PHTF2: variants seen among roughly 807,000 people sequenced by gnomAD.
PHTF2 encodes protein PHTF2.
In PHTF2, 60 loss-of-function variants were observed where a neutral mutation model predicts 101.2. The observed-to-expected ratio is 0.59, with a 90% CI of 0.48 to 0.73. The LOEUF is 0.73. Ranked by LOEUF, PHTF2 falls within the 30% of genes least tolerant of loss-of-function variation. The pLI is 0.00. For missense variants in PHTF2, 747 were observed against 908.7 expected, an observed-to-expected ratio of 0.82 and a Z score of 2.29; for synonymous variants, 311 against 307.3, an observed-to-expected ratio of 1.01 and a Z score of -0.13.
chr7:77,843,950 C>T (rs952338637), intron 2 of PHTF2, among the ~76,000 whole-genome samples: 1 of 152,066 alleles, frequency 6.6e-6, no homozygotes, highest in Admixed American at 6.5e-5. Flanking sequence ...TAAATAAAAA[C>T]CAAAAACATT....
At chr7:77,846,900 C>T (rs1263915559) in intron 2 of PHTF2, among the ~76,000 whole-genome samples, 1 of 152,066 alleles carries the variant, frequency 6.6e-6, no homozygotes, top group Non-Finnish European at 1.5e-5. Flanking sequence ...GCCTCAGCCT[C>T]CCAAAGTGTC....
chr7:77,911,804 T>C (rs1373507990), intron 9 of PHTF2, among the ~76,000 whole-genome samples: 3 of 152,338 alleles, frequency 2.0e-5, no homozygotes, highest in African/African-American at 4.8e-5. Context: ...TTTGTTTTCG[T>C]TTTTAAACTT....
At chr7:77,843,099 C>T (rs528292290) in intron 2 of PHTF2, among the ~76,000 whole-genome samples, 24 of 152,240 alleles carry the variant, frequency 1.6e-4, no homozygotes, top group African/African-American at 5.1e-4. Context: ...GTAGATGTTA[C>T]TTGTTGACTT....
intron 1 of PHTF2, among the ~76,000 whole-genome samples, chr7:77,805,963 T>TCAGGAGTTCGAGAC (rs767839899): frequency 4.6e-5 from 7 of 152,184 alleles, no homozygotes; most frequent in Non-Finnish European, 8.8e-5. Context: ...TCATTTGAGA[T>TCAGGAGTTCGAGAC]CAGGAGTTCG....
intron 16 of PHTF2, 30 bp downstream of exon 15, chr7:77,942,816 AC>A: frequency 1.0e-6 from 1 of 988,870 alleles, no homozygotes; most frequent in Non-Finnish European, 1.5e-6. Flanking sequence ...GTAGAAATTA[AC>A]CAGATATATA....
At position 77,904,362 on chromosome 7, in the gene PHTF2, G is replaced by A. The variant is rs182376564; in HGVS notation, c.445+2442G>A. ...ATTAGACATCAGACATCACTTTCTT[G>A]AAGAATCCTTTCGTAACTCCCCAAT... On this transcript the variant is annotated intron_variant, in intron 7 of 19. Transcript: ENST00000416283. Among the ~76,000 whole-genome samples, 562 of 152,218 alleles carry A rather than the reference G, an allele frequency of 3.7e-3. 1 individual carries two copies. The highest frequency in any genetic ancestry group is 4.7e-3 in the Admixed American group (72 of 15,284).
chr7:77,803,441 G>A (rs1326996419), intron 1 of PHTF2, among the ~76,000 whole-genome samples: 1 of 152,130 alleles, frequency 6.6e-6, no homozygotes, highest in African/African-American at 2.4e-5. Flanking sequence ...AAATTAGGTG[G>A]CACAAGTTTT....
intron 15 of PHTF2, 48 bp from the exon 15 acceptor site, chr7:77,942,652 A>G: frequency 9.7e-7 from 1 of 1,030,652 alleles, no homozygotes. Flanking sequence ...TGATTAGTAA[A>G]TATATTTTAA....
At chr7:77,929,389 A>G (rs531729396) in intron 12 of PHTF2, 62 bp downstream of exon 11, 181 of 820,112 alleles carry the variant, frequency 2.2e-4, no homozygotes, top group East Asian at 6.4e-4. Context: ...TTTATGTTCA[A>G]ATGTTACAGA....
intron 9 of PHTF2, among the ~76,000 whole-genome samples, chr7:77,915,121 G>A (rs924417402): frequency 7.9e-5 from 12 of 151,746 alleles, no homozygotes; most frequent in African/African-American, 2.7e-4. Context: ...CGTGTTGGCT[G>A]GGATGGTCTT....
intron 3 of PHTF2, among the ~76,000 whole-genome samples, chr7:77,861,657 T>C (rs1774484941): frequency 6.6e-6 from 1 of 152,246 alleles, no homozygotes; most frequent in Non-Finnish European, 1.5e-5. Flanking sequence ...GCACAGTGGC[T>C]CATGCCTGTA....
At chr7:77,888,502 T>A (rs980505266) in intron 3 of PHTF2, among the ~76,000 whole-genome samples, 1 of 152,106 alleles carries the variant, frequency 6.6e-6, no homozygotes, top group African/African-American at 2.4e-5. Flanking sequence ...ACACAAACAC[T>A]GGAGGCATTG....
Position 77,919,795 on chromosome 7 carries a change from G to GT in PHTF2, c.777-477dup, listed in dbSNP as rs1215981779. ...ATTTAGAAACTTATTTAAAATTTTCGTTTTTTTATATCTTTTTATGTTGCA... is the reference window on the plus strand; with the variant it reads ...ATTTAGAAACTTATTTAAAATTTTCGTTTTTTTTATATCTTTTTATGTTGCA... On this transcript the variant is annotated intron_variant, in intron 9 of 19. Transcript: ENST00000416283. Among the ~76,000 whole-genome samples the GT allele has an allele frequency of 1.3e-4, 20 of 151,686 alleles. No individual in the cohort carries two copies. In the East Asian group the frequency reaches 3.9e-3, roughly 29 times the overall value.
intron 13 of PHTF2, 46 bp from the exon 13 acceptor site, chr7:77,939,984 T>G (rs761770063): frequency 1.4e-6 from 2 of 1,381,762 alleles, no homozygotes; most frequent in Admixed American, 4.4e-5. Flanking sequence ...AAATTTATGG[T>G]ATAATTTTAT....
chr7:77,947,826 C>CTTTCTTTTTTTTTTTTTTTTTTTTTTT (rs1562976127), intron 16 of PHTF2, among the ~76,000 whole-genome samples: 21 of 86,926 alleles, frequency 2.4e-4, no homozygotes, highest in African/African-American at 9.4e-4. Context: ...TTTCTTTTTT[C>CTTTCTTTTTTTTTTTTTTTTTTTTTTT]TTTTTTCTTT....
intron 3 of PHTF2, among the ~76,000 whole-genome samples, chr7:77,875,241 CTT>C (rs1463739044): frequency 6.6e-6 from 1 of 151,948 alleles, no homozygotes; most frequent in African/African-American, 2.4e-5. Flanking sequence ...TTTGTGACCT[CTT>C]TGATTTCTTT....
At chr7:77,908,368 A>G (rs970776435) in intron 7 of PHTF2, among the ~76,000 whole-genome samples, 2 of 152,208 alleles carry the variant, frequency 1.3e-5, no homozygotes, top group African/African-American at 4.8e-5. Flanking sequence ...TATTAATTCT[A>G]AGGAGATAGA....
intron 2 of PHTF2, among the ~76,000 whole-genome samples, chr7:77,844,244 T>C (rs1796102173): frequency 6.6e-6 from 1 of 152,162 alleles, no homozygotes; most frequent in African/African-American, 2.4e-5. Flanking sequence ...TCCTCCTGCC[T>C]TGGACTCCCG....
intron 13 of PHTF2, among the ~76,000 whole-genome samples, chr7:77,938,618 A>T (rs1343980165): frequency 6.6e-6 from 1 of 151,794 alleles, no homozygotes; most frequent in Admixed American, 6.5e-5. Flanking sequence ...TCTACTAAAA[A>T]TACAAAAAAT....
Sources: gnomAD v4.1 joint callset for allele counts (sites outside exome capture counted in the v4.1 genomes callset) on GRCh38, gnomAD v4.1.1 for gene constraint, MANE v1.5 for transcripts, NCBI Gene and HGNC (gene_info 2026-07-23, HGNC 2026-07-21) for gene names.